MYO15B: variants seen among roughly 807,000 people sequenced by gnomAD.
MYO15B encodes myosin XVB pseudogene.
A neutral mutation model predicts 119.3 loss-of-function variants in MYO15B; 207 were observed. The ratio of observed to expected loss-of-function variants is 1.73; its 90% CI spans 1.55 to 1.95. The LOEUF (loss-of-function observed/expected upper bound fraction) is 1.95, where lower values mean the gene tolerates loss of function less well. MYO15B is among the 30% of genes most tolerant of loss of function. The pLI is 0.00. For missense variants in MYO15B, 2,264 were observed against 1,203.1 expected, an observed-to-expected ratio of 1.88 and a Z score of -13.04; for synonymous variants, 966 against 498.9, an observed-to-expected ratio of 1.94 and a Z score of -12.48.
intron 23 of MYO15B, among the ~76,000 whole-genome samples, chr17:75,611,228 G>A (rs1015602406): frequency 5.3e-5 from 8 of 151,990 alleles, no homozygotes; most frequent in South Asian, 2.1e-4. Context: ...CTTTGAGGTC[G>A]AGGTGTGAGG....
intron 25 of MYO15B, among the ~76,000 whole-genome samples, chr17:75,612,236 G>A (rs952189534): frequency 1.3e-5 from 2 of 152,290 alleles, no homozygotes; most frequent in East Asian, 1.9e-4. Context: ...TTATTGAATG[G>A]GAGACGTTAT....
intron 22 of MYO15B, 21 bp downstream of exon 22, chr17:75,610,280 C>A: frequency 1.5e-6 from 1 of 688,580 alleles, no homozygotes; most frequent in Non-Finnish European, 2.6e-6. Context: ...TTGGGTGGGG[C>A]GGTTCAGGGT....
intron 12 of MYO15B, among the ~76,000 whole-genome samples, chr17:75,595,796 C>T (rs569065413): frequency 1.6e-4 from 24 of 152,346 alleles, no homozygotes; most frequent in African/African-American, 5.8e-4. Flanking sequence ...CCCAGTCTCT[C>T]TCAGTTGGCA....
In MYO15B at chr17:75,591,588, A is replaced by G. The variant is rs1408877889; in HGVS notation, c.2436-13A>G. ...CCCCTCCCTGGAGACCCTACCAACC[A>G]ACACATCCTTAGCTCCTCCCACTGC... is the stretch of plus-strand genomic sequence containing the variant. On this transcript the variant is annotated splice_polypyrimidine_tract_variant and intron_variant, in intron 4 of 63. Transcript: ENST00000645453. 7 of 702,486 alleles carry G rather than the reference A, an allele frequency of 1.0e-5. No individual in the cohort carries two copies. The African/African-American group carries it at 1.2e-4, about 12-fold the overall frequency. 43.5% of individuals were successfully genotyped at this position (702,486 alleles called of 1,614,324 possible). A position where few individuals can be genotyped will look rare whatever the true frequency, so the allele number is the denominator to read the frequency against.
exon 60 of MYO15B, chr17:75,625,227 T>C (rs900412662): frequency 5.7e-6 from 4 of 701,724 alleles, no homozygotes; most frequent in Non-Finnish European, 1.0e-5. Context: ...CCAACAGGAA[T>C]ACCCCCTCAG....
rs1452790916 is a variant in MYO15B at position 75,625,982 on chromosome 17, G to C, written c.9072+5G>C. On this transcript the variant is annotated splice_donor_5th_base_variant and intron_variant, in intron 62 of 63. Coordinates refer to ENST00000645453, the Ensembl canonical transcript of MYO15B. ...CTCATGGACCCCAGCTCCCAGGTGG[G>C]CACAGCTCTTGCCTCAGCACTGGCC... The C allele has an allele frequency of 5.7e-6, 4 of 701,370 alleles. No homozygotes were observed. The highest frequency in any genetic ancestry group is 7.8e-6 in the Non-Finnish European group (3 of 384,208). The allele number at this position is 701,370 out of a possible 1,614,324, so 43.4% of individuals were successfully genotyped here.
exon 57 of MYO15B, chr17:75,624,390 GCTT>G (rs560993140): frequency 1.5e-4 from 106 of 702,556 alleles, no homozygotes; most frequent in South Asian, 1.5e-3. Context: ...CGATTCGCCT[GCTT>G]CTTATTCACC....
intron 10 of MYO15B, 39 bp downstream of exon 10, chr17:75,594,627 C>T (rs1169844428): frequency 4.3e-6 from 3 of 694,374 alleles, no homozygotes; most frequent in Admixed American, 4.0e-5. Flanking sequence ...CCTGGCCTGG[C>T]TGACCCACAG....
exon 34 of MYO15B, chr17:75,615,298 G>A (rs1357321169): frequency 4.3e-6 from 3 of 702,736 alleles, no homozygotes; most frequent in Admixed American, 4.0e-5. Flanking sequence ...CTGCACCCAT[G>A]CCCATGATGC....
chr17:75,604,068 C>T (rs1180036464), intron 19 of MYO15B, among the ~76,000 whole-genome samples: 1 of 152,106 alleles, frequency 6.6e-6, no homozygotes, highest in Non-Finnish European at 1.5e-5. Flanking sequence ...ATGGGGATGG[C>T]CTGGTTGGGG....
intron 49 of MYO15B, 48 bp downstream of exon 49, chr17:75,620,684 CTG>C (rs1568219518): frequency 1.4e-6 from 1 of 689,934 alleles, no homozygotes; most frequent in African/African-American, 1.8e-5. Context: ...CTGCCTGAGA[CTG>C]AGGAAGGAAA....
In MYO15B at chr17:75,616,161, G is replaced by A. The variant is rs1446632677; in HGVS notation, c.6109+14G>A. 107 of 566,488 alleles carry A rather than the reference G, an allele frequency of 1.9e-4. No individual in the cohort carries two copies. In the East Asian group the frequency reaches 3.1e-3, roughly 16 times the overall value. The allele number at this position is 566,488 out of a possible 1,614,324, so 35.1% of individuals were successfully genotyped here. A position where few individuals can be genotyped will look rare whatever the true frequency, so the allele number is the denominator to read the frequency against. On this transcript the variant is annotated intron_variant, in intron 37 of 63. Coordinates refer to ENST00000645453, the Ensembl canonical transcript of MYO15B. ...TCCAGAGGATGGGTGAGGGCACTTG[G>A]GGTGGCAGGACCGTGCAGAAACATG...
intron 21 of MYO15B, 80 bp downstream of exon 21, chr17:75,606,101 G>C: frequency 1.6e-6 from 1 of 607,204 alleles, no homozygotes; most frequent in Non-Finnish European, 3.0e-6. Flanking sequence ...GGCAGGGTTG[G>C]GGAAACATAG....
At position 75,612,117 on chromosome 17, in the gene MYO15B, C is replaced by T; in HGVS notation, c.4635+101C>T. ...TTTTTCCCCGCTGTCAGCTCTTGCC[C>T]TCCTTCCTCCCCAGCCTTTGGGGCT... is the stretch of plus-strand genomic sequence containing the variant. On this transcript the variant is annotated intron_variant, in intron 25 of 63. Coordinates refer to ENST00000645453, the Ensembl canonical transcript of MYO15B. 3 of 655,464 alleles carry T rather than the reference C, an allele frequency of 4.6e-6. No homozygotes were observed. In the Admixed American group the frequency reaches 6.6e-5, roughly 14 times the overall value. 40.6% of individuals were successfully genotyped at this position (655,464 alleles called of 1,614,324 possible).
exon 1 of MYO15B, among the ~76,000 whole-genome samples, chr17:75,587,853 C>T (rs2056167702): frequency 6.6e-6 from 1 of 152,240 alleles, no homozygotes. Context: ...CGCCTCTATT[C>T]CATTGTTGGC....
intron 44 of MYO15B, 68 bp from the exon 45 acceptor site, chr17:75,619,290 G>T: frequency 1.4e-6 from 1 of 702,512 alleles, no homozygotes; most frequent in Admixed American, 2.0e-5. Context: ...GGAGGGAGCA[G>T]CATGGGAGCA....
In MYO15B at chr17:75,589,457, A is replaced by G. The variant is rs536754524; in HGVS notation, c.1400A>G (p.Glu467Gly). Residue 467 changes from glutamate (E) to glycine (G), a missense_variant, in exon 1 of 64, where the codon GAG becomes GGG. Glu to Gly is a moderately conservative substitution (Grantham distance 98, BLOSUM62 -2). Transcript: ENST00000645453. This position sits in a 1 kb window ranked among gnomAD's most constrained non-coding sequence, Gnocchi z 4.2. ...GGGCGGGGCTGCGGGAAAGCGGACG[A>G]GGGGCGGGGTCACGAGAGAGGTGAC... 5.5e-6 allele frequency: 2 copies of G among 365,754 alleles called. No homozygotes were observed. The highest frequency in any genetic ancestry group is 3.7e-5 in the East Asian group (1 of 27,036). The allele number at this position is 365,754 out of a possible 1,614,324, so 22.7% of individuals were successfully genotyped here.
chr17:75,623,947 A>G lies in MYO15B; in HGVS notation c.8157-2A>G, dbSNP rs766020890. 3 of 702,978 alleles carry G rather than the reference A, an allele frequency of 4.3e-6. No individual in the cohort carries two copies. In the South Asian group the frequency reaches 4.4e-5, roughly 10 times the overall value. The allele number at this position is 702,978 out of a possible 1,614,324, so 43.5% of individuals were successfully genotyped here. A position where few individuals can be genotyped will look rare whatever the true frequency, so the allele number is the denominator to read the frequency against. ...CTGAAGCCCGAGCGCTCTGCCCTGC[A>G]GGGAACACTGCACTCGAGGCTGGAG... On this transcript the variant is annotated splice_acceptor_variant, in intron 54 of 63. Coordinates refer to ENST00000645453, the Ensembl canonical transcript of MYO15B. LOFTEE classifies it high-confidence loss of function.
chr17:75,623,365 A>T (rs2058818646), intron 53 of MYO15B, among the ~76,000 whole-genome samples: 1 of 150,532 alleles, frequency 6.6e-6, no homozygotes, highest in Non-Finnish European at 1.5e-5. Context: ...ACGGAGGCCC[A>T]CATCTGTAAT....
Sources: gnomAD v4.1 joint callset for allele counts (sites outside exome capture counted in the v4.1 genomes callset) on GRCh38, gnomAD v4.1.1 for gene constraint, Gnocchi (gnomAD v3.1) non-coding constraint, MANE v1.5 for transcripts, NCBI Gene and HGNC (gene_info 2026-07-23, HGNC 2026-07-21) for gene names.